PDE4D: variants seen among roughly 807,000 people sequenced by gnomAD.
PDE4D encodes 3',5'-cyclic-AMP phosphodiesterase 4D.
A neutral mutation model predicts 87.4 loss-of-function variants in PDE4D; 24 were observed. That is an observed-to-expected ratio of 0.27 (90% CI 0.20 to 0.39). PDE4D has a LOEUF of 0.39. Among genes scored for constraint, PDE4D ranks in the 10% least tolerant of loss-of-function variants. PDE4D has a pLI of 1.00. For missense variants in PDE4D, 714 were observed against 1,041.0 expected, an observed-to-expected ratio of 0.69 and a Z score of 4.32; for synonymous variants, 384 against 383.2, an observed-to-expected ratio of 1.00 and a Z score of -0.02.
intron 11 of PDE4D, among the ~76,000 whole-genome samples, chr5:58,982,410 C>G (rs1366199012): frequency 6.6e-6 from 1 of 152,170 alleles, no homozygotes; most frequent in Non-Finnish European, 1.5e-5. Context: ...CTAGGGACTT[C>G]CATGGGCATG....
At position 59,718,589 on chromosome 5, in the gene PDE4D, C is replaced by T. The variant is rs530494524; in HGVS notation, c.455+174579G>A. On this transcript the variant is annotated intron_variant, in intron 1 of 14. Transcript: ENST00000340635. Reference sequence around the variant, plus strand: ...TCAGCACAATTTTCTTTCTTCAGGGCCCTCATAAAAGGAAGATTCTTTGAC... The same window carrying T: ...TCAGCACAATTTTCTTTCTTCAGGGTCCTCATAAAAGGAAGATTCTTTGAC... 2.0e-5 allele frequency among the ~76,000 whole-genome samples: 3 copies of T among 152,182 alleles called. No individual in the cohort carries two copies. In the East Asian group the frequency reaches 5.8e-4, roughly 29 times the overall value.
chr5:59,890,178 G>A lies in PDE4D; in HGVS notation c.455+2990C>T, dbSNP rs566116545. On this transcript the variant is annotated intron_variant, in intron 1 of 14. Transcript: ENST00000340635. Reference sequence around the variant, plus strand: ...GAATCATTCATCCATCCACCCATGAGGCTTTTTCAGAGACATTAACTTGAT... The same window carrying A: ...GAATCATTCATCCATCCACCCATGAAGCTTTTTCAGAGACATTAACTTGAT... Among the ~76,000 whole-genome samples the A allele has an allele frequency of 3.3e-5, 5 of 151,920 alleles. No homozygotes were observed. The South Asian group carries it at 1.0e-3, about 32-fold the overall frequency.
At chr5:60,251,869 C>T (rs182879817) in intron 1 of PDE4D, among the ~76,000 whole-genome samples, 1 of 152,052 alleles carries the variant, frequency 6.6e-6, no homozygotes, top group East Asian at 1.9e-4. Context: ...ACCACTCACT[C>T]ACTCAGAGCA....
intron 1 of PDE4D, among the ~76,000 whole-genome samples, chr5:59,812,943 G>A (rs1182251803): frequency 6.6e-6 from 1 of 152,210 alleles, no homozygotes; most frequent in Non-Finnish European, 1.5e-5. Context: ...GCCAAGTCAG[G>A]CTGCTGTATT....
intron 3 of PDE4D, among the ~76,000 whole-genome samples, chr5:59,930,116 C>T (rs1303794381): frequency 7.6e-6 from 1 of 131,902 alleles, no homozygotes; most frequent in Non-Finnish European, 1.6e-5. Context: ...GAGCCGAGAT[C>T]GTGCCACTGC....
intron 1 of PDE4D, among the ~76,000 whole-genome samples, chr5:59,723,298 T>C (rs2150567784): frequency 6.6e-6 from 1 of 152,216 alleles, no homozygotes; most frequent in South Asian, 2.1e-4. Flanking sequence ...AGTATGTGAA[T>C]ATAGGCAAAT....
chr5:59,294,985 A>G (rs1345982527), intron 1 of PDE4D, among the ~76,000 whole-genome samples: 1 of 152,204 alleles, frequency 6.6e-6, no homozygotes, highest in South Asian at 2.1e-4. Flanking sequence ...TTATTGGTGA[A>G]GGCTAATAGA....
At chr5:60,362,041 A>T (rs1279053616) in intron 1 of PDE4D, among the ~76,000 whole-genome samples, 2 of 152,160 alleles carry the variant, frequency 1.3e-5, no homozygotes, top group African/African-American at 4.8e-5. Context: ...TATTAATTCC[A>T]CAAGAATTTA....
At position 59,671,008 on chromosome 5, in the gene PDE4D, T is replaced by C. The variant is rs76947219; in HGVS notation, c.455+222160A>G. 4.6e-3 allele frequency among the ~76,000 whole-genome samples: 696 copies of C among 152,252 alleles called. 8 individuals are homozygous for C. Among genetic ancestry groups the C allele is most frequent in the African/African-American group, 0.016 (668 of 41,552 alleles). The stretch of plus-strand genomic sequence containing the variant: ...TTTTAATGCATATACACACAACATA[T>C]ACCCACACACTTTCAACACACATTT... On this transcript the variant is annotated intron_variant, in intron 1 of 14. Coordinates refer to ENST00000340635, the MANE Select transcript of PDE4D (RefSeq NM_001104631.2).
chr5:59,268,172 C>T (rs892368715), intron 1 of PDE4D, among the ~76,000 whole-genome samples: 1 of 152,160 alleles, frequency 6.6e-6, no homozygotes. Context: ...CTTCTGTTAG[C>T]TTCTCTAATT....
chr5:59,684,292 C>T (rs1561469960), intron 1 of PDE4D, among the ~76,000 whole-genome samples: 1 of 152,128 alleles, frequency 6.6e-6, no homozygotes, highest in Non-Finnish European at 1.5e-5. Flanking sequence ...ATGTATTCTA[C>T]AGTATTATCT....
chr5:60,484,529 C>T (rs534750685), intron 1 of PDE4D, among the ~76,000 whole-genome samples: 81 of 152,194 alleles, frequency 5.3e-4, no homozygotes, highest in South Asian at 1.9e-3. Flanking sequence ...AATATTTATA[C>T]GACTATGGCA....
intron 1 of PDE4D, chr5:59,586,880 C>G: frequency 1.0e-6 from 1 of 985,374 alleles, no homozygotes; most frequent in Non-Finnish European, 1.2e-6. Context: ...GCTTTTTCTT[C>G]TTTCTTAGGC....
intron 1 of PDE4D, among the ~76,000 whole-genome samples, chr5:59,673,588 C>T (rs1402971878): frequency 6.6e-6 from 1 of 152,170 alleles, no homozygotes; most frequent in African/African-American, 2.4e-5. Context: ...ATACTCAGAA[C>T]TGCACTTGCA....
intron 1 of PDE4D, among the ~76,000 whole-genome samples, chr5:60,316,827 A>T (rs1321788347): frequency 6.6e-6 from 1 of 152,214 alleles, no homozygotes; most frequent in Non-Finnish European, 1.5e-5. Flanking sequence ...CTTGCATCCC[A>T]GGGATGAAGC....
intron 1 of PDE4D, among the ~76,000 whole-genome samples, chr5:59,678,469 T>C (rs1748481196): frequency 1.3e-5 from 2 of 151,936 alleles, no homozygotes; most frequent in Non-Finnish European, 2.9e-5. Flanking sequence ...CTGTTTTAGT[T>C]TTTTGTTTGT....
intron 2 of PDE4D, among the ~76,000 whole-genome samples, chr5:60,169,376 A>G (rs1783208643): frequency 2.0e-5 from 3 of 152,152 alleles, no homozygotes; most frequent in Admixed American, 1.3e-4. Flanking sequence ...AAACTTTCAT[A>G]TATTTATATA....
At chr5:59,519,159 A>C (rs1811733677) in intron 1 of PDE4D, among the ~76,000 whole-genome samples, 1 of 151,598 alleles carries the variant, frequency 6.6e-6, no homozygotes, top group African/African-American at 2.4e-5. Flanking sequence ...CCTTTAGCAA[A>C]TATTCATTGA....
At chr5:59,795,392 C>T (rs370461595) in intron 1 of PDE4D, among the ~76,000 whole-genome samples, 18 of 152,160 alleles carry the variant, frequency 1.2e-4, no homozygotes, top group African/African-American at 3.6e-4. Flanking sequence ...GTGGGTTCCC[C>T]GGTGGATCAC....
Sources: gnomAD v4.1 joint callset for allele counts (sites outside exome capture counted in the v4.1 genomes callset) on GRCh38, gnomAD v4.1.1 for gene constraint, MANE v1.5 for transcripts, NCBI Gene and HGNC (gene_info 2026-07-23, HGNC 2026-07-21) for gene names.